The following SWAP70 variants were observed in gnomAD, a reference collection of about 807,000 sequenced individuals.
SWAP70 encodes switching B cell complex subunit SWAP70.
Under a neutral mutation model 80.2 loss-of-function variants are expected in SWAP70, and 34 were observed. The observed-to-expected ratio is 0.42, with a 90% CI of 0.32 to 0.56. The LOEUF (loss-of-function observed/expected upper bound fraction) is 0.56, where lower values mean the gene tolerates loss of function less well. Among genes scored for constraint, SWAP70 ranks in the 20% least tolerant of loss-of-function variants. The pLI is 0.09. For synonymous variants in SWAP70, 239 were observed against 238.5 expected (o/e 1.00, Z -0.02); for missense variants, 578 against 690.7 (o/e 0.84, Z 1.83).
At position 9,743,469 on chromosome 11, in the gene SWAP70, C is replaced by T. The variant is rs1208013714; in HGVS notation, c.1355+3122C>T. ...TTCTAATTCTAGATCCCTGAGGAAT[C>T]GCCACACTGACTTCCACAAAGGTTG... On this transcript the variant is annotated intron_variant, in intron 9 of 11. Transcript: ENST00000318950. Among the ~76,000 whole-genome samples, 5 of 151,534 alleles carry T rather than the reference C, an allele frequency of 3.3e-5. No homozygotes were observed. The South Asian group carries it at 6.2e-4, about 19-fold the overall frequency.
At chr11:9,695,689 G>A (rs189782687) in intron 2 of SWAP70, among the ~76,000 whole-genome samples, 2 of 152,078 alleles carry the variant, frequency 1.3e-5, no homozygotes, top group Middle Eastern at 3.4e-3. Flanking sequence ...CACAGCACAC[G>A]TACACTTATG....
chr11:9,672,733 A>G (rs749356417), intron 1 of SWAP70, among the ~76,000 whole-genome samples: 5 of 151,960 alleles, frequency 3.3e-5, no homozygotes, highest in Admixed American at 6.6e-5. Context: ...TGCTTGAGTC[A>G]TTGCTATAAT....
intron 9 of SWAP70, 86 bp downstream of exon 9, chr11:9,740,433 A>T (rs1306733632): frequency 7.3e-7 from 1 of 1,366,414 alleles, no homozygotes; most frequent in Admixed American, 1.7e-5. Context: ...TCTGGTGGAG[A>T]GGGAGAAGTG....
At chr11:9,736,034 G>T (rs1851359171) in intron 7 of SWAP70, among the ~76,000 whole-genome samples, 1 of 152,036 alleles carries the variant, frequency 6.6e-6, no homozygotes, top group South Asian at 2.1e-4. Flanking sequence ...CTCTAAGGCT[G>T]TGTTCATTTT....
chr11:9,715,515 G>T (rs537698503), intron 3 of SWAP70, among the ~76,000 whole-genome samples: 3 of 152,246 alleles, frequency 2.0e-5, no homozygotes, highest in African/African-American at 7.2e-5. Context: ...TCATGCTGCT[G>T]ATAAAGACAT....
At chr11:9,710,295 G>T (rs1332582424) in intron 2 of SWAP70, among the ~76,000 whole-genome samples, 3 of 152,168 alleles carry the variant, frequency 2.0e-5, no homozygotes, top group Non-Finnish European at 4.4e-5. Flanking sequence ...AAGTCTTCAA[G>T]GTGATAGTGA....
chr11:9,735,982 T>C (rs1424863579), intron 7 of SWAP70, among the ~76,000 whole-genome samples: 2 of 152,310 alleles, frequency 1.3e-5, no homozygotes, highest in East Asian at 1.9e-4. Context: ...TCTGATACTT[T>C]CGTTATGCAA....
chr11:9,728,842 A>AAG (rs1255488827), intron 5 of SWAP70, among the ~76,000 whole-genome samples: 1 of 152,100 alleles, frequency 6.6e-6, no homozygotes, highest in Non-Finnish European at 1.5e-5. Context: ...GAGTCTGCTT[A>AAG]GATTTAACTA....
intron 2 of SWAP70, among the ~76,000 whole-genome samples, chr11:9,707,560 T>C (rs1250443746): frequency 2.7e-5 from 4 of 148,554 alleles, no homozygotes; most frequent in East Asian, 1.9e-4. Context: ...TTCTTTTCTT[T>C]TTTTTTTTTT....
chr11:9,666,755 C>T (rs1327565812), intron 1 of SWAP70, among the ~76,000 whole-genome samples: 2 of 140,684 alleles, frequency 1.4e-5, no homozygotes, highest in African/African-American at 2.7e-5. Context: ...GCCGGAGTTG[C>T]GCTCTGTCAC....
intron 1 of SWAP70, among the ~76,000 whole-genome samples, chr11:9,667,247 TGTGA>T (rs1428545983): frequency 1.3e-5 from 2 of 151,508 alleles, no homozygotes; most frequent in African/African-American, 2.4e-5. Flanking sequence ...TGTGTGTGTG[TGTGA>T]GAGAGAGAGA....
In SWAP70 at chr11:9,678,319, G is replaced by A. The variant is rs765748623; in HGVS notation, c.99+14041G>A. Among the ~76,000 whole-genome samples, 91 of 152,166 alleles carry A rather than the reference G, an allele frequency of 6.0e-4. 1 individual carries two copies. Among genetic ancestry groups the A allele is most frequent in the Middle Eastern group, 6.8e-3 (2 of 294 alleles). On this transcript the variant is annotated intron_variant, in intron 1 of 11. Transcript: ENST00000318950. ...TAAAGTCTTTGTAAATATTTTTTAT[G>A]TAGATATCACCAAAATAAAATAGTA...
intron 3 of SWAP70, among the ~76,000 whole-genome samples, chr11:9,720,767 A>T (rs1851124180): frequency 6.6e-6 from 1 of 151,994 alleles, no homozygotes; most frequent in Admixed American, 6.6e-5. Flanking sequence ...GTTTATCTTA[A>T]TGTCCTTTTT....
At chr11:9,736,724 C>T (rs11825952) in intron 7 of SWAP70, among the ~76,000 whole-genome samples, 15,035 of 152,048 alleles carry the variant, frequency 0.099, 1,887 homozygotes, top group East Asian at 0.28. Context: ...TCTGTTGGTA[C>T]CACACCAACA....
chr11:9,664,159 C>T lies in SWAP70; in HGVS notation c.-21C>T, dbSNP rs1850278223. On this transcript the variant is annotated 5_prime_UTR_variant, in exon 1 of 12. Transcript: ENST00000318950. The stretch of plus-strand genomic sequence containing the variant: ...GGGCTGGCTGGGCAGGAGGGGTTGG[C>T]GGGGCAGCAGGGCCGCGGCCATGGG... 6.4e-7 allele frequency: 1 copy of T among 1,551,678 alleles called. No homozygotes were observed. Among genetic ancestry groups the T allele is most frequent in the East Asian group, 2.5e-5 (1 of 40,260 alleles).
chr11:9,671,313 T>C (rs1332513945), intron 1 of SWAP70, among the ~76,000 whole-genome samples: 1 of 104,552 alleles, frequency 9.6e-6, no homozygotes, highest in African/African-American at 4.1e-5. Flanking sequence ...TATTTATAAA[T>C]ATAAATATAA....
intron 7 of SWAP70, among the ~76,000 whole-genome samples, chr11:9,735,171 C>T (rs749194663): frequency 2.6e-5 from 4 of 152,144 alleles, no homozygotes; most frequent in Non-Finnish European, 5.9e-5. Context: ...CCCCCTCCCC[C>T]ACTTATGAAT....
intron 2 of SWAP70, among the ~76,000 whole-genome samples, chr11:9,698,474 G>A (rs1449935802): frequency 1.3e-5 from 2 of 151,914 alleles, no homozygotes; most frequent in Non-Finnish European, 2.9e-5. Context: ...GCATGATCTC[G>A]GCTCACTGTG....
At chr11:9,683,073 AC>A (rs1227603380) in intron 1 of SWAP70, among the ~76,000 whole-genome samples, 1 of 152,190 alleles carries the variant, frequency 6.6e-6, no homozygotes. Context: ...GATGGATGTG[AC>A]TGCATAAATT....
Sources: allele counts gnomAD v4.1 joint callset (sites outside exome capture counted in the v4.1 genomes callset), GRCh38; gene constraint gnomAD v4.1.1; transcripts MANE v1.5; gene names NCBI Gene and HGNC (gene_info 2026-07-23, HGNC 2026-07-21).